Variants in BCAS4 observed in about 807,000 individuals in gnomAD.
BCAS4 encodes the protein breast carcinoma-amplified sequence 4.
A neutral mutation model predicts 15.7 loss-of-function variants in BCAS4; 9 were observed. The ratio of observed to expected loss-of-function variants is 0.57; its 90% CI spans 0.34 to 1.00. The LOEUF (loss-of-function observed/expected upper bound fraction) is 1.00. Ranked by LOEUF, BCAS4 falls within the 50% of genes least tolerant of loss-of-function variation. The pLI is 0.02. For missense variants in BCAS4, 225 were observed against 239.1 expected (o/e 0.94, Z 0.39); for synonymous variants, 101 against 99.5 (o/e 1.02, Z -0.09).
chr20:50,877,060 GT>G lies in BCAS4; in HGVS notation c.*457del. The G allele has an allele frequency of 6.4e-6, 1 of 155,224 alleles. No individual in the cohort carries two copies. Among genetic ancestry groups the G allele is most frequent in the Non-Finnish European group, 1.4e-5 (1 of 70,188 alleles). The allele number at this position is 155,224 out of a possible 1,614,324, so 9.6% of individuals were successfully genotyped here. A position where few individuals can be genotyped will look rare whatever the true frequency, so the allele number is the denominator to read the frequency against. ...TCCATGGTCCTTCTCTCTGTGATGG[GT>G]TTTTGCACGGGGTGTGCTCTGCCAC... On this transcript the variant is annotated 3_prime_UTR_variant, in exon 5 of 5. Transcript: ENST00000371608.
chr20:50,802,115 G>A (rs889500843), intron 1 of BCAS4, among the ~76,000 whole-genome samples: 3 of 152,052 alleles, frequency 2.0e-5, no homozygotes, highest in Admixed American at 6.6e-5. Context: ...TAAGAGGATC[G>A]CTTGAGTGCA....
intron 4 of BCAS4, among the ~76,000 whole-genome samples, chr20:50,861,977 C>T (rs1048931914): frequency 6.6e-6 from 1 of 151,652 alleles, no homozygotes; most frequent in South Asian, 2.1e-4. Flanking sequence ...CCTCAGCCTC[C>T]CACATAGCTG....
At chr20:50,809,804 T>C (rs2088038479) in intron 1 of BCAS4, among the ~76,000 whole-genome samples, 1 of 152,210 alleles carries the variant, frequency 6.6e-6, no homozygotes, top group Admixed American at 6.5e-5. Context: ...GTAGTTTTCT[T>C]TGTAGAAGTC....
chr20:50,815,479 C>T (rs1247007685), intron 1 of BCAS4, among the ~76,000 whole-genome samples: 2 of 152,178 alleles, frequency 1.3e-5, no homozygotes, highest in African/African-American at 4.8e-5. Context: ...CCAATCTTCT[C>T]CTCTAACCAC....
intron 3 of BCAS4, among the ~76,000 whole-genome samples, chr20:50,831,960 C>T (rs923010943): frequency 6.6e-6 from 1 of 152,212 alleles, no homozygotes; most frequent in Non-Finnish European, 1.5e-5. Context: ...ATAGCTGATT[C>T]ATTTGAATTT....
intron 4 of BCAS4, among the ~76,000 whole-genome samples, chr20:50,859,385 G>A (rs940055379): frequency 4.6e-5 from 7 of 152,216 alleles, no homozygotes; most frequent in South Asian, 4.1e-4. Context: ...AGTAGAGGCC[G>A]CCTGCTCCTG....
intron 1 of BCAS4, among the ~76,000 whole-genome samples, chr20:50,799,864 T>C (rs1243868891): frequency 6.6e-6 from 1 of 152,130 alleles, no homozygotes; most frequent in Non-Finnish European, 1.5e-5. Context: ...GAGACCAGCC[T>C]GGGCAACATG....
At chr20:50,873,830 C>T (rs1266147642) in intron 4 of BCAS4, among the ~76,000 whole-genome samples, 2 of 152,176 alleles carry the variant, frequency 1.3e-5, no homozygotes, top group African/African-American at 4.8e-5. Flanking sequence ...TTCCATTCGC[C>T]GTGTTTGAGG....
intron 1 of BCAS4, among the ~76,000 whole-genome samples, chr20:50,802,356 A>G (rs1326296146): frequency 6.6e-6 from 1 of 152,206 alleles, no homozygotes; most frequent in Non-Finnish European, 1.5e-5. Context: ...CTTCCGGGGC[A>G]TGAGGAGCCA....
chr20:50,832,026 G>C (rs548168126), intron 3 of BCAS4, among the ~76,000 whole-genome samples: 8 of 152,298 alleles, frequency 5.3e-5, no homozygotes, highest in Admixed American at 5.2e-4. Context: ...CCTGGTTCTC[G>C]CCTGGCCTGG....
intron 2 of BCAS4, among the ~76,000 whole-genome samples, chr20:50,826,201 G>A (rs943267545): frequency 6.6e-6 from 1 of 152,244 alleles, no homozygotes; most frequent in African/African-American, 2.4e-5. Flanking sequence ...TGAGGAATGA[G>A]CTTCTCTCTA....
At chr20:50,844,904 A>G (rs538431244) in intron 4 of BCAS4, among the ~76,000 whole-genome samples, 1 of 151,962 alleles carries the variant, frequency 6.6e-6, no homozygotes, top group Admixed American at 6.6e-5. Context: ...TCATTCAGCA[A>G]CCCCAGTGTG....
At chr20:50,803,562 G>T (rs1404955096) in intron 1 of BCAS4, among the ~76,000 whole-genome samples, 1 of 152,062 alleles carries the variant, frequency 6.6e-6, no homozygotes, top group Non-Finnish European at 1.5e-5. Flanking sequence ...ACTAGCTGGG[G>T]TCAGATGCAG....
chr20:50,849,213 A>G (rs2088581537), intron 4 of BCAS4, among the ~76,000 whole-genome samples: 1 of 152,218 alleles, frequency 6.6e-6, no homozygotes, highest in African/African-American at 2.4e-5. Flanking sequence ...ACGAGGTGTC[A>G]TTTTGATTAA....
At chr20:50,868,125 A>C (rs1979447544) in intron 4 of BCAS4, among the ~76,000 whole-genome samples, 1 of 152,166 alleles carries the variant, frequency 6.6e-6, no homozygotes, top group South Asian at 2.1e-4. Context: ...AAGACCGCAG[A>C]GGTAAGGCGC....
Position 50,818,246 on chromosome 20 carries a change from C to G in BCAS4, c.126C>G (p.Leu42=). 1 of 1,614,008 alleles carries G rather than the reference C, an allele frequency of 6.2e-7. No individual in the cohort carries two copies. Among genetic ancestry groups the G allele is most frequent in the Non-Finnish European group, 8.5e-7 (1 of 1,180,004 alleles). The change falls in exon 2 of 5, where the codon CTC becomes CTG. Residue 42 remains leucine, a synonymous_variant. Coordinates refer to ENST00000371608, the MANE Select transcript of BCAS4 (RefSeq NM_198799.4). ...TGGAGGAGACCATCGAGGGCATGCT[C>G]CTCAGGCTGGAAGAGTTTTGCAGCC... is the stretch of plus-strand genomic sequence containing the variant. ...KEVEETIEGM[L]LRLEEFCSLA...
intron 4 of BCAS4, among the ~76,000 whole-genome samples, chr20:50,868,321 A>C (rs1047000626): frequency 3.3e-5 from 5 of 152,256 alleles, no homozygotes; most frequent in Admixed American, 2.6e-4. Flanking sequence ...GGGCAGATGC[A>C]GACAAACAAT....
intron 4 of BCAS4, among the ~76,000 whole-genome samples, chr20:50,855,313 G>A (rs538224211): frequency 6.6e-6 from 1 of 152,244 alleles, no homozygotes; most frequent in South Asian, 2.1e-4. Flanking sequence ...TCACTGCCTG[G>A]ATCCATGTCT....
chr20:50,796,713 C>T lies in BCAS4; in HGVS notation c.90+1540C>T, dbSNP rs1381773965. On this transcript the variant is annotated intron_variant, in intron 1 of 4. Coordinates refer to ENST00000371608, the MANE Select transcript of BCAS4 (RefSeq NM_198799.4). ...GTTTCACCATGTTGGCCAGGATGAT[C>T]TCTATCTCTTGACCTCGTGATCCAC... Among the ~76,000 whole-genome samples, 7 of 151,322 alleles carry T rather than the reference C, an allele frequency of 4.6e-5. No homozygotes were observed. In the East Asian group the frequency reaches 1.4e-3, roughly 30 times the overall value.
Sources: gnomAD v4.1 joint callset for allele counts (sites outside exome capture counted in the v4.1 genomes callset) on GRCh38, gnomAD v4.1.1 for gene constraint, MANE v1.5 for transcripts, NCBI Gene and HGNC (gene_info 2026-07-23, HGNC 2026-07-21) for gene names.